UMOD: variants seen among roughly 807,000 people sequenced by gnomAD.
UMOD encodes the protein Tamm-Horsfall urinary glycoprotein.
Under a neutral mutation model 66.0 loss-of-function variants are expected in UMOD, and 64 were observed. The ratio of observed to expected loss-of-function variants is 0.97; its 90% CI spans 0.79 to 1.19. UMOD has a LOEUF of 1.19. Ranked by LOEUF, UMOD falls within the 50% of genes most tolerant of loss-of-function variation. The probability of loss-of-function intolerance (pLI) is 0.00; values close to 1 mark genes in which losing one functional copy is unlikely to be tolerated. For synonymous variants in UMOD, 398 were observed against 352.7 expected, an observed-to-expected ratio of 1.13 and a Z score of -1.44; for missense variants, 764 against 850.9, an observed-to-expected ratio of 0.90 and a Z score of 1.27.
At position 20,341,117 on chromosome 16, in the gene UMOD, G is replaced by T; in HGVS notation, c.1551C>A (p.Pro517=). Residue 517 remains proline, a synonymous_variant, in exon 7 of 11, where the codon CCC becomes CCA. Coordinates refer to ENST00000396138, the MANE Select transcript of UMOD (RefSeq NM_003361.4). ...YATPSSNATD[P]LKYFIIQDRC... ...TGTCCTGGATGATGAAGTACTTCAGGGGGTCCGTGGCATTGCTACTGGGTG... is the reference window on the plus strand; with the variant it reads ...TGTCCTGGATGATGAAGTACTTCAGTGGGTCCGTGGCATTGCTACTGGGTG... 6.2e-7 allele frequency: 1 copy of T among 1,614,122 alleles called. No individual in the cohort carries two copies. Among genetic ancestry groups the T allele is most frequent in the Non-Finnish European group, 8.5e-7 (1 of 1,180,028 alleles).
intron 1 of UMOD, chr16:20,351,282 A>T (rs1176718512): frequency 1.6e-5 from 3 of 189,776 alleles, no homozygotes; most frequent in Non-Finnish European, 3.3e-5. Flanking sequence ...TGAACATGGC[A>T]GTCTGCTCCT....
intron 5 of UMOD, among the ~76,000 whole-genome samples, chr16:20,344,600 C>CA (rs11310838): frequency 0.16 from 19,757 of 126,242 alleles, 1,534 homozygotes; most frequent in Middle Eastern, 0.19. Flanking sequence ...GATTCCATCT[C>CA]AAAAAAAAAA....
chr16:20,349,272 A>T, intron 2 of UMOD, 60 bp from the exon 3 acceptor site: 1 of 1,560,908 alleles, frequency 6.4e-7, no homozygotes, highest in South Asian at 1.1e-5. Flanking sequence ...CCACCCAGAG[A>T]TCCTTCCCTC....
rs1965699065 is a variant in UMOD, at chr16:20,348,325, T to C, written c.871A>G (p.Ser291Gly). The change falls in exon 4 of 11, where the codon AGC becomes GGC. Residue 291 changes from serine (S) to glycine (G), a missense_variant. By Grantham distance (56) the Ser-to-Gly change is moderately conservative. Coordinates refer to ENST00000396138, the MANE Select transcript of UMOD (RefSeq NM_003361.4). ...ECHLAYCTDPSSVEGTCEECS... is the reference protein window; with the variant it reads ...ECHLAYCTDPGSVEGTCEECS... Reference sequence around the variant, plus strand: ...TCCTCACACGTCCCCTCCACGGAGCTGGGGTCTGCAGGGTCACAGGGACAG... The same window carrying C: ...TCCTCACACGTCCCCTCCACGGAGCCGGGGTCTGCAGGGTCACAGGGACAG... The C allele has an allele frequency of 3.7e-6, 6 of 1,614,200 alleles. No homozygotes were observed. Among genetic ancestry groups the C allele is most frequent in the Non-Finnish European group, 4.2e-6 (5 of 1,180,036 alleles).
At chr16:20,337,179 A>C in intron 8 of UMOD, 112 bp downstream of exon 8, 1 of 1,419,912 alleles carries the variant, frequency 7.0e-7, no homozygotes, top group African/African-American at 1.4e-5. Flanking sequence ...CTTATTGCTC[A>C]TTCTATCCCT....
In UMOD at chr16:20,337,429, A is replaced by G. The variant is rs1251109655; in HGVS notation, c.1602T>C (p.Thr534=). The G allele has an allele frequency of 6.2e-7, 1 of 1,614,172 alleles. No homozygotes were observed. Among genetic ancestry groups the G allele is most frequent in the Non-Finnish European group, 8.5e-7 (1 of 1,180,022 alleles). ...QDRCPHTRDS[T]IQVVENGESS... ...ACTCCCCATTCTCCACCACTTGGAT[A>G]GTTGAGTCTCTAGTGTGTGGGCATC... Residue 534 remains threonine, a synonymous_variant, in exon 8 of 11, where the codon ACT becomes ACC. Coordinates refer to ENST00000396138, the MANE Select transcript of UMOD (RefSeq NM_003361.4).
Position 20,346,184 on chromosome 16 carries a change from C to T in UMOD, c.1124G>A (p.Arg375Gln), listed in dbSNP as rs151061376. 4.6e-4 allele frequency: 738 copies of T among 1,614,224 alleles called. 5 individuals are homozygous for T. The Middle Eastern group carries it at 5.5e-3, about 12-fold the overall frequency. The stretch of plus-strand genomic sequence containing the variant: ...TGGGGTCACTACAGACACCCAGTCC[C>T]GGTTGTCTCTGTCATTGAAGCCCGA... The part of the protein sequence containing the change: ...RCSGFNDRDN[R>Q]DWVSVVTPAR... Residue 375 changes from arginine to glutamine, a missense_variant, in exon 5 of 11, where the codon CGG (arginine) becomes CAG (glutamine). Arg to Gln is a conservative substitution (Grantham distance 43). Transcript: ENST00000396138.
intron 2 of UMOD, chr16:20,349,857 T>C (rs1012390081): frequency 6.5e-7 from 1 of 1,543,682 alleles, no homozygotes; most frequent in Non-Finnish European, 8.7e-7. Context: ...GGCTGGGCAG[T>C]TGTACTTTGT....
intron 5 of UMOD, among the ~76,000 whole-genome samples, chr16:20,345,759 A>G (rs778599219): frequency 3.9e-5 from 6 of 151,928 alleles, no homozygotes; most frequent in Non-Finnish European, 5.9e-5. Context: ...ACCACTGGAG[A>G]CAAATAGACT....
intron 5 of UMOD, among the ~76,000 whole-genome samples, chr16:20,345,480 TTCCCTCCCTCCC>T (rs1358004978): frequency 3.2e-4 from 9 of 28,232 alleles, no homozygotes; most frequent in African/African-American, 1.0e-3. Context: ...CCTTCCTTCC[TTCCCTCCCTCCC>T]TCCCTCCCTC....
Position 20,347,405 on chromosome 16 carries a change from T to A in UMOD, c.973+818A>T, listed in dbSNP as rs1965649439. The stretch of plus-strand genomic sequence containing the variant: ...ACAACATCCAGCCAGAATTCTTGTT[T>A]AATTTTTTAAAAATTGAAGTATTTT... On this transcript the variant is annotated intron_variant, in intron 4 of 10. Coordinates refer to ENST00000396138, the MANE Select transcript of UMOD (RefSeq NM_003361.4). 2.6e-5 allele frequency among the ~76,000 whole-genome samples: 4 copies of A among 152,394 alleles called. No individual in the cohort carries two copies. The South Asian group carries it at 6.2e-4, about 24-fold the overall frequency.
At chr16:20,344,451 A>G in intron 5 of UMOD, among the ~76,000 whole-genome samples, 1 of 152,014 alleles carries the variant, frequency 6.6e-6, no homozygotes, top group East Asian at 1.9e-4. Flanking sequence ...AAAAATACAA[A>G]AAGTAGCCGG....
rs769862242 is a variant in UMOD, at chr16:20,348,497, G to C, written c.804C>G (p.Ala268=). ...TCAGGTTGTAGACGTAGTAGCCGCC[G>C]GCACAGGCCTTCACCTGGACGGACG... ...WDASVQVKAC[A]GGYYVYNLTA... is the part of the protein sequence containing the mutation. Residue 268 remains alanine (A), a synonymous_variant, in exon 3 of 11, where the codon GCC becomes GCG. Transcript: ENST00000396138. The C allele has an allele frequency of 9.9e-6, 16 of 1,611,176 alleles. No homozygotes were observed. Among genetic ancestry groups the C allele is most frequent in the Admixed American group, 1.7e-5 (1 of 59,936 alleles).
intron 1 of UMOD, among the ~76,000 whole-genome samples, chr16:20,352,314 AT>A (rs1380296429): frequency 6.6e-6 from 1 of 152,126 alleles, no homozygotes; most frequent in African/African-American, 2.4e-5. Flanking sequence ...AAAAGGAATG[AT>A]TTTATGACCC....
At chr16:20,349,250 C>T (rs1360380019) in intron 2 of UMOD, 38 bp from the exon 3 acceptor site, 1 of 1,602,504 alleles carries the variant, frequency 6.2e-7, no homozygotes. Flanking sequence ...GTTTGGGCAG[C>T]TGGGCCCATG....
At chr16:20,345,828 T>C (rs1179008935) in intron 5 of UMOD, among the ~76,000 whole-genome samples, 2 of 152,130 alleles carry the variant, frequency 1.3e-5, no homozygotes, top group East Asian at 3.9e-4. Context: ...ATGGCCCTAC[T>C]TTTCCCATCT....
intron 2 of UMOD, chr16:20,349,723 G>T (rs933805774): frequency 6.5e-7 from 1 of 1,529,082 alleles, no homozygotes; most frequent in African/African-American, 1.4e-5. Context: ...TAGGATTTAC[G>T]GTGAACCTGT....
chr16:20,350,792 A>G lies in UMOD; in HGVS notation c.-55T>C. The G allele has an allele frequency of 6.2e-7, 1 of 1,611,812 alleles. No individual in the cohort carries two copies. Among genetic ancestry groups the G allele is most frequent in the Non-Finnish European group, 8.5e-7 (1 of 1,178,948 alleles). On this transcript the variant is annotated 5_prime_UTR_variant, in exon 2 of 11. Transcript: ENST00000396138. ...TAGATAGCACCTGCCCAAAGGAAAG[A>G]CGGGTTGGCCCTTTGAATTTTTCTC...
intron 5 of UMOD, among the ~76,000 whole-genome samples, chr16:20,344,879 C>A (rs994685336): frequency 6.6e-6 from 1 of 152,212 alleles, no homozygotes; most frequent in Non-Finnish European, 1.5e-5. Context: ...GGATTGCCCA[C>A]AATATGTGAC....
Sources: gnomAD v4.1 joint callset for allele counts (sites outside exome capture counted in the v4.1 genomes callset) on GRCh38, gnomAD v4.1.1 for gene constraint, MANE v1.5 for transcripts, NCBI Gene and HGNC (gene_info 2026-07-23, HGNC 2026-07-21) for gene names.